ATP2A3: variants seen among roughly 807,000 people sequenced by gnomAD.
ATP2A3 encodes ATPase sarcoplasmic/endoplasmic reticulum Ca2+ transporting 3, also known as sarcoplasmic/endoplasmic reticulum calcium ATPase 3.
Under a neutral mutation model 106.8 loss-of-function variants are expected in ATP2A3, and 61 were observed. The ratio of observed to expected loss-of-function variants is 0.57; its 90% CI spans 0.46 to 0.71. The LOEUF (loss-of-function observed/expected upper bound fraction) is 0.71. Ranked by LOEUF, ATP2A3 falls within the 30% of genes least tolerant of loss-of-function variation. The pLI, the probability that ATP2A3 is intolerant of heterozygous loss-of-function variation, is 0.00. For missense variants in ATP2A3, 1,201 were observed against 1,423.5 expected (o/e 0.84, Z 2.52); for synonymous variants, 611 against 609.3 (o/e 1.00, Z -0.04).
chr17:3,944,833 G>T, intron 9 of ATP2A3, 27 bp from the exon 10 acceptor site: 1 of 1,589,774 alleles, frequency 6.3e-7, no homozygotes, highest in Non-Finnish European at 8.6e-7. Context: ...GTCACCAGGA[G>T]GACCTCGGCT....
At position 3,941,463 on chromosome 17, in the gene ATP2A3, G is replaced by A. The variant is rs756412106; in HGVS notation, c.1737C>T (p.Asp579=). 5.4e-5 allele frequency: 87 copies of A among 1,613,964 alleles called. No individual in the cohort carries two copies. The highest frequency in any genetic ancestry group is 6.7e-5 in the African/African-American group (5 of 74,950). The change falls in exon 13 of 21, where the codon GAC becomes GAT. Residue 579 remains aspartate (D), a synonymous_variant. Coordinates refer to ENST00000397041, the MANE Select transcript of ATP2A3 (RefSeq NM_005173.4). ...CGTACTGCACAAACTTGCTGCAGTC[G>A]TCCAGCTCCATGTCCTCCTTCCTTG... The part of the protein sequence containing the change: ...APPRKEDMEL[D]DCSKFVQYET...
In ATP2A3 at chr17:3,926,634, A is replaced by G. The variant is rs986900260; in HGVS notation, c.2981-1193T>C. Among the ~76,000 whole-genome samples, 3 of 151,854 alleles carry G rather than the reference A, an allele frequency of 2.0e-5. No homozygotes were observed. Among genetic ancestry groups the G allele is most frequent in the African/African-American group, 7.3e-5 (3 of 41,304 alleles). On this transcript the variant is annotated intron_variant, in intron 20 of 20. Transcript: ENST00000397041. The surrounding 1 kb of genome is among the most constrained non-coding windows in gnomAD (Gnocchi z 4.6). ...ACCCAGGCTGGAGTGCAGTAGCTCA[A>G]TCTCAGCTCACTGCAACCTCCACCT...
In ATP2A3 at chr17:3,930,892, C is replaced by A; in HGVS notation, c.2611-458G>T. 3.6e-6 allele frequency: 1 copy of A among 279,334 alleles called. No individual in the cohort carries two copies. Among genetic ancestry groups the A allele is most frequent in the South Asian group, 3.6e-5 (1 of 27,936 alleles). The allele number at this position is 279,334 out of a possible 1,614,324, so 17.3% of individuals were successfully genotyped here. A position where few individuals can be genotyped will look rare whatever the true frequency, so the allele number is the denominator to read the frequency against. On this transcript the variant is annotated intron_variant, in intron 17 of 20. Transcript: ENST00000397041. This position sits in a 1 kb window ranked among gnomAD's most constrained non-coding sequence, Gnocchi z 5.4. ...GCTGGGCGTGGTGGCTCATGCCTGT[C>A]ATCCCAGGGAGGCGGAGGCGGGTGG...
chr17:3,942,277 C>T (rs1362298156), intron 12 of ATP2A3, among the ~76,000 whole-genome samples: 1 of 152,198 alleles, frequency 6.6e-6, no homozygotes, highest in Non-Finnish European at 1.5e-5. Context: ...GAAGCCTTTT[C>T]ATTTCAAAAG....
Position 3,941,175 on chromosome 17 carries a change from G to A in ATP2A3, c.1896C>T (p.Ala632=), listed in dbSNP as rs141946822. The change falls in exon 14 of 21, where the codon GCC becomes GCT. Residue 632 remains alanine, a synonymous_variant. Coordinates refer to ENST00000397041, the MANE Select transcript of ATP2A3 (RefSeq NM_005173.4). Reference sequence around the variant, plus strand: ...TGCCAAGCCTGCGGCAGATGGCCACGGCAGTGCCTTTGTTATCCCCCGTGA... The same window carrying A: ...TGCCAAGCCTGCGGCAGATGGCCACAGCAGTGCCTTTGTTATCCCCCGTGA... The part of the protein sequence containing the change: ...VMITGDNKGT[A]VAICRRLGIF... 747 of 1,614,136 alleles carry A rather than the reference G, an allele frequency of 4.6e-4. 2 individuals are homozygous for A. In the African/African-American group the frequency reaches 8.0e-3, roughly 17 times the overall value.
At chr17:3,944,648 G>A (rs935914531) in intron 10 of ATP2A3, 56 bp downstream of exon 10, 37 of 1,563,856 alleles carry the variant, frequency 2.4e-5, no homozygotes, top group East Asian at 4.6e-5. Flanking sequence ...GCTGGGAAAA[G>A]GGTCTGTCCT....
chr17:3,927,348 G>A, intron 20 of ATP2A3: 1 of 985,488 alleles, frequency 1.0e-6, no homozygotes, highest in Non-Finnish European at 1.2e-6. Flanking sequence ...AATCTGCTGA[G>A]CTCCTAGGCA....
At position 3,953,073 on chromosome 17, in the gene ATP2A3, G is replaced by A. The variant is rs945884765; in HGVS notation, c.219+274C>T. Among the ~76,000 whole-genome samples the A allele has an allele frequency of 1.3e-5, 2 of 152,202 alleles. No individual in the cohort carries two copies. The highest frequency in any genetic ancestry group is 6.5e-5 in the Admixed American group (1 of 15,276). On this transcript the variant is annotated intron_variant, in intron 3 of 20. Coordinates refer to ENST00000397041, the MANE Select transcript of ATP2A3 (RefSeq NM_005173.4). The surrounding 1 kb of genome is among the most constrained non-coding windows in gnomAD (Gnocchi z 5.1). ...GAAACCCTAGGGTACAGCAGGGCGGGGCGGGGGGCAGATGTGAGTTGGGGA... is the reference window on the plus strand; with the variant it reads ...GAAACCCTAGGGTACAGCAGGGCGGAGCGGGGGGCAGATGTGAGTTGGGGA...
chr17:3,935,310 A>G, intron 16 of ATP2A3, 33 bp from the exon 17 acceptor site: 12 of 1,596,878 alleles, frequency 7.5e-6, no homozygotes, highest in Non-Finnish European at 1.0e-5. Context: ...GCTGTAGAGA[A>G]TGGCGGTGGT....
In ATP2A3 at chr17:3,947,513, G is replaced by A. The variant is rs2054179726; in HGVS notation, c.973C>T (p.Arg325Cys). ...ITTCLALGTR[R>C]MARKNAIVRS... is the part of the protein sequence containing the mutation. Reference sequence around the variant, plus strand: ...ACGATGGCGTTCTTGCGTGCCATGCGCCGCGTGCCCAGTGCCAGGCATGTA... The same window carrying A: ...ACGATGGCGTTCTTGCGTGCCATGCACCGCGTGCCCAGTGCCAGGCATGTA... The change falls in exon 8 of 21, where the codon CGC (arginine) becomes TGC (cysteine). Residue 325 changes from arginine (R) to cysteine (C), a missense_variant. Transcript: ENST00000397041. This position sits in a 1 kb window ranked among gnomAD's most constrained non-coding sequence, Gnocchi z 7.7. 14 of 1,613,410 alleles carry A rather than the reference G, an allele frequency of 8.7e-6. No homozygotes were observed. Among genetic ancestry groups the A allele is most frequent in the Admixed American group, 1.7e-5 (1 of 60,024 alleles).
rs894847852 is a variant in ATP2A3, at chr17:3,924,657, C to T, written c.*765G>A. 15 of 370,022 alleles carry T rather than the reference C, an allele frequency of 4.1e-5. No individual in the cohort carries two copies. Among genetic ancestry groups the T allele is most frequent in the East Asian group, 1.2e-4 (1 of 8,660 alleles). The allele number at this position is 370,022 out of a possible 1,614,324, so 22.9% of individuals were successfully genotyped here. A position where few individuals can be genotyped will look rare whatever the true frequency, so the allele number is the denominator to read the frequency against. On this transcript the variant is annotated 3_prime_UTR_variant, in exon 21 of 21. Coordinates refer to ENST00000397041, the MANE Select transcript of ATP2A3 (RefSeq NM_005173.4). The surrounding 1 kb of genome is among the most constrained non-coding windows in gnomAD (Gnocchi z 6.4). Reference sequence around the variant, plus strand: ...CTCTGAACATCTCCCGAGCTCAGGACGGGGAACCCTGAGTCCAGGAGGCGC... The same window carrying T: ...CTCTGAACATCTCCCGAGCTCAGGATGGGGAACCCTGAGTCCAGGAGGCGC...
rs571669847 is a variant in ATP2A3 at position 3,928,664 on chromosome 17, G to A, written c.2979C>T (p.His993=). 1.0e-5 allele frequency: 16 copies of A among 1,549,898 alleles called. No individual in the cohort carries two copies. Among genetic ancestry groups the A allele is most frequent in the African/African-American group, 6.8e-5 (5 of 73,118 alleles). ...GGCGGGACGGGGCCTCCCACTCACCGTGCATGTGGTTCCGGGACAGGTACT... is the reference window on the plus strand; with the variant it reads ...GGCGGGACGGGGCCTCCCACTCACCATGCATGTGGTTCCGGGACAGGTACT... ...ALKYLSRNHM[H]EEMSQK Residue 993 remains histidine, a splice_region_variant and synonymous_variant, in exon 20 of 21, where the codon CAC becomes CAT. Transcript: ENST00000397041. The surrounding 1 kb of genome is among the most constrained non-coding windows in gnomAD (Gnocchi z 6.1).
At chr17:3,940,795 A>C (rs2053718081) in intron 14 of ATP2A3, among the ~76,000 whole-genome samples, 176 bp downstream of exon 14, 1 of 152,242 alleles carries the variant, frequency 6.6e-6, no homozygotes, top group Admixed American at 6.5e-5. Flanking sequence ...GGTGTGAGCC[A>C]CCGCGCCTGG....
At chr17:3,949,587 C>A (rs71366583) in intron 7 of ATP2A3, among the ~76,000 whole-genome samples, 3 of 152,092 alleles carry the variant, frequency 2.0e-5, no homozygotes. Context: ...TGTCTGAGTT[C>A]GTCCCAGCTG....
At chr17:3,935,032 T>C in intron 17 of ATP2A3, 160 bp downstream of exon 17, 1 of 774,586 alleles carries the variant, frequency 1.3e-6, no homozygotes. Context: ...GGGTTTCCCG[T>C]GGGCTCTGAG....
At chr17:3,943,165 G>T (rs762921116) in intron 11 of ATP2A3, among the ~76,000 whole-genome samples, 1 of 151,990 alleles carries the variant, frequency 6.6e-6, no homozygotes, top group South Asian at 2.1e-4. Flanking sequence ...GGCACGCGCC[G>T]GGAGGTCGAG....
At chr17:3,937,713 C>T (rs1310397337) in intron 14 of ATP2A3, 77 bp from the exon 15 acceptor site, 2 of 1,426,936 alleles carry the variant, frequency 1.4e-6, no homozygotes, top group African/African-American at 2.8e-5. Flanking sequence ...CTCAGCCCAC[C>T]CCCAATCTTA....
intron 3 of ATP2A3, among the ~76,000 whole-genome samples, chr17:3,952,511 G>C (rs769051906): frequency 2.4e-4 from 37 of 152,214 alleles, no homozygotes; most frequent in Non-Finnish European, 3.7e-4. Flanking sequence ...GGGGGACACT[G>C]GGATCCACGG....
intron 4 of ATP2A3, 29 bp downstream of exon 4, chr17:3,951,552 C>CCCCCCGT: frequency 1.5e-6 from 2 of 1,365,898 alleles, no homozygotes; most frequent in Non-Finnish European, 2.0e-6. Context: ...GACCGCCCCC[C>CCCCCCGT]GCCCGGTCCC....
Sources: allele counts gnomAD v4.1 joint callset (sites outside exome capture counted in the v4.1 genomes callset), GRCh38; gene constraint gnomAD v4.1.1; non-coding constraint Gnocchi (gnomAD v3.1); transcripts MANE v1.5; gene names NCBI Gene and HGNC (gene_info 2026-07-23, HGNC 2026-07-21).